Variants in MYO18B observed in about 807,000 individuals in gnomAD.
The protein encoded by MYO18B is myosin XVIIIB.
MYO18B carries 204 observed loss-of-function variants against 273.0 expected under a neutral mutation model. The ratio of observed to expected loss-of-function variants is 0.75; its 90% CI spans 0.67 to 0.84. The LOEUF is 0.84. MYO18B is among the 40% of genes least tolerant of loss of function. MYO18B has a pLI of 0.00. For missense variants in MYO18B, 3,212 were observed against 3,287.6 expected, an observed-to-expected ratio of 0.98 and a Z score of 0.56; for synonymous variants, 1,330 against 1,305.7, an observed-to-expected ratio of 1.02 and a Z score of -0.40.
chr22:25,949,940 T>C (rs1485122903), intron 36 of MYO18B, among the ~76,000 whole-genome samples: 4 of 152,164 alleles, frequency 2.6e-5, no homozygotes, highest in African/African-American at 9.7e-5. Flanking sequence ...AAGGCTGAGC[T>C]GAGATTGTCA....
chr22:25,920,524 G>A (rs9613037), intron 33 of MYO18B, among the ~76,000 whole-genome samples: 39,619 of 152,050 alleles, frequency 0.26, 5,982 homozygotes, highest in Non-Finnish European at 0.35. Context: ...TCCCTTGACA[G>A]CTGTCCCTGG....
At chr22:26,054,355 C>T in the MYO18B span, among the ~76,000 whole-genome samples, 11 of 152,290 alleles carry the variant, frequency 7.2e-5, no homozygotes, top group Non-Finnish European at 1.2e-4. Context: ...CCTGTGTGCC[C>T]GCTCAGTTTC....
chr22:26,001,541 C>T (rs948248759), intron 40 of MYO18B, among the ~76,000 whole-genome samples: 1 of 152,202 alleles, frequency 6.6e-6, no homozygotes, highest in African/African-American at 2.4e-5. Flanking sequence ...AAATCCAGGA[C>T]AATAAGTAAC....
chr22:25,790,698 T>C (rs746553428), intron 11 of MYO18B, among the ~76,000 whole-genome samples: 14 of 152,220 alleles, frequency 9.2e-5, no homozygotes, highest in African/African-American at 3.1e-4. Context: ...AATTTTCGAA[T>C]CGTTTGCTAC....
chr22:25,759,770 AAC>A (rs1210113436), intron 1 of MYO18B, among the ~76,000 whole-genome samples: 6 of 152,210 alleles, frequency 3.9e-5, no homozygotes, highest in African/African-American at 1.4e-4. Flanking sequence ...ATGCTTGCTA[AAC>A]ACTCTTTTTT....
At chr22:25,796,954 G>T (rs546455853) in intron 11 of MYO18B, among the ~76,000 whole-genome samples, 3 of 152,282 alleles carry the variant, frequency 2.0e-5, no homozygotes, top group African/African-American at 4.8e-5. Flanking sequence ...TCCAGACGGC[G>T]TGGTGGCTCA....
At chr22:25,832,800 A>T in intron 15 of MYO18B, 117 bp from the exon 16 acceptor site, 1 of 855,986 alleles carries the variant, frequency 1.2e-6, no homozygotes, top group Non-Finnish European at 1.8e-6. Context: ...TAAAAAAACG[A>T]TTTTTTTAAA....
intron 38 of MYO18B, chr22:25,953,691 T>A (rs2092817484): frequency 6.6e-6 from 1 of 152,210 alleles, no homozygotes; most frequent in South Asian, 2.1e-4. Context: ...TATGTAAAGT[T>A]GGGCTATATC....
intron 34 of MYO18B, among the ~76,000 whole-genome samples, chr22:25,928,786 C>T (rs13057955): frequency 0.011 from 1,731 of 152,160 alleles, 14 homozygotes; most frequent in Middle Eastern, 0.034. Flanking sequence ...TAAGGGGGTA[C>T]GATAATCTCA....
At chr22:25,828,697 G>C in intron 14 of MYO18B, 79 bp from the exon 15 acceptor site, 1 of 1,428,676 alleles carries the variant, frequency 7.0e-7, no homozygotes, top group Non-Finnish European at 9.6e-7. Context: ...TTTGAAACCA[G>C]TTCTGCTGGA....
At chr22:25,850,366 C>T (rs754078977) in intron 20 of MYO18B, among the ~76,000 whole-genome samples, 56 of 152,202 alleles carry the variant, frequency 3.7e-4, no homozygotes, top group South Asian at 4.2e-4. Flanking sequence ...TGGCTACTCT[C>T]CGCTGCCTGG....
At chr22:25,787,270 G>GCACA (rs965998326) in intron 11 of MYO18B, among the ~76,000 whole-genome samples, 15 of 42,698 alleles carry the variant, frequency 3.5e-4, no homozygotes, top group African/African-American at 1.3e-3. Context: ...GTGCAGGCGC[G>GCACA]CGCACACACA....
chr22:25,934,331 C>G (rs1298094298), intron 34 of MYO18B, among the ~76,000 whole-genome samples: 1 of 152,020 alleles, frequency 6.6e-6, no homozygotes, highest in Non-Finnish European at 1.5e-5. Flanking sequence ...CAGTGTTAAA[C>G]ATCTTAGAAT....
At chr22:25,931,223 T>A (rs566573348) in intron 34 of MYO18B, among the ~76,000 whole-genome samples, 7 of 152,192 alleles carry the variant, frequency 4.6e-5, no homozygotes, top group Admixed American at 2.0e-4. Context: ...TTGTAATTGG[T>A]TAAAAACATG....
chr22:25,753,382 GCT>G (rs951653097), intron 1 of MYO18B, among the ~76,000 whole-genome samples: 3 of 152,192 alleles, frequency 2.0e-5, no homozygotes, highest in Non-Finnish European at 4.4e-5. Context: ...AGACCAGTCA[GCT>G]CTCTGTAAAA....
At chr22:25,957,055 T>C (rs371806029) in intron 39 of MYO18B, among the ~76,000 whole-genome samples, 1 of 152,152 alleles carries the variant, frequency 6.6e-6, no homozygotes, top group African/African-American at 2.4e-5. Context: ...AGAGAAAAGC[T>C]CTTTCCTCCA....
chr22:25,928,672 G>C (rs944611605), intron 34 of MYO18B, among the ~76,000 whole-genome samples: 2 of 152,096 alleles, frequency 1.3e-5, no homozygotes, highest in African/African-American at 4.8e-5. Context: ...CAATACAGAA[G>C]ACTCCTGAAA....
chr22:25,866,285 A>G (rs1418499053), intron 21 of MYO18B, among the ~76,000 whole-genome samples: 3 of 152,206 alleles, frequency 2.0e-5, no homozygotes, highest in Non-Finnish European at 4.4e-5. Flanking sequence ...TGGGAGGGGA[A>G]TTGGCAGTCA....
At chr22:25,912,480 G>A (rs2092177161) in intron 33 of MYO18B, among the ~76,000 whole-genome samples, 2 of 152,228 alleles carry the variant, frequency 1.3e-5, no homozygotes, top group South Asian at 2.1e-4. Flanking sequence ...TACATGTAAA[G>A]AGAAGGTAAG....
Sources: gnomAD v4.1 joint callset for allele counts (sites outside exome capture counted in the v4.1 genomes callset) on GRCh38, gnomAD v4.1.1 for gene constraint, MANE v1.5 for transcripts, NCBI Gene and HGNC (gene_info 2026-07-23, HGNC 2026-07-21) for gene names.